Variants in CLASP2 observed in about 807,000 individuals in gnomAD.
The protein encoded by CLASP2 is cytoplasmic linker associated protein 2.
A neutral mutation model predicts 194.4 loss-of-function variants in CLASP2; 47 were observed. The ratio of observed to expected loss-of-function variants is 0.24; its 90% confidence interval spans 0.19 to 0.31. The LOEUF (loss-of-function observed/expected upper bound fraction) is 0.31. Ranked by LOEUF, CLASP2 falls within the 10% of genes least tolerant of loss-of-function variation. CLASP2 has a pLI of 1.00. For missense variants in CLASP2, 1,445 were observed against 1,823.6 expected, an observed-to-expected ratio of 0.79 and a Z score of 3.78; for synonymous variants, 619 against 633.5, an observed-to-expected ratio of 0.98 and a Z score of 0.34.
At chr3:33,572,756 GA>G (rs1560095161) in intron 25 of CLASP2, among the ~76,000 whole-genome samples, 1 of 151,716 alleles carries the variant, frequency 6.6e-6, no homozygotes, top group Non-Finnish European at 1.5e-5. Context: ...TCTTCTCATT[GA>G]AAAACTTACC....
chr3:33,672,401 A>C (rs1443349473), intron 6 of CLASP2, among the ~76,000 whole-genome samples: 1 of 152,238 alleles, frequency 6.6e-6, no homozygotes, highest in Non-Finnish European at 1.5e-5. Context: ...GTTAGAAGGA[A>C]AACGAACAAA....
At chr3:33,666,511 C>T (rs2086198757) in intron 6 of CLASP2, among the ~76,000 whole-genome samples, 1 of 152,196 alleles carries the variant, frequency 6.6e-6, no homozygotes, top group Non-Finnish European at 1.5e-5. Context: ...TGAATGTTTT[C>T]AAGGTTGATG....
chr3:33,646,668 T>TA (rs969232179), intron 7 of CLASP2, among the ~76,000 whole-genome samples: 16 of 149,846 alleles, frequency 1.1e-4, no homozygotes, highest in South Asian at 8.4e-4. Context: ...TCCCTACCAT[T>TA]AAAAAAAAAA....
intron 7 of CLASP2, among the ~76,000 whole-genome samples, chr3:33,652,519 T>C (rs1423344512): frequency 6.6e-6 from 1 of 152,196 alleles, no homozygotes; most frequent in African/African-American, 2.4e-5. Flanking sequence ...CTGTTGGCTG[T>C]TCTTTCTCTA....
At chr3:33,533,462 CTTG>C (rs1445322049) in intron 34 of CLASP2, among the ~76,000 whole-genome samples, 4 of 152,112 alleles carry the variant, frequency 2.6e-5, no homozygotes, top group African/African-American at 4.8e-5. Context: ...GAAGCTATTT[CTTG>C]TTAATAAAAA....
intron 16 of CLASP2, among the ~76,000 whole-genome samples, chr3:33,605,689 G>A (rs2154259095): frequency 6.6e-6 from 1 of 152,274 alleles, no homozygotes; most frequent in East Asian, 1.9e-4. Context: ...CACGATCTCA[G>A]CTCACTGCAA....
intron 7 of CLASP2, among the ~76,000 whole-genome samples, chr3:33,646,732 T>C (rs998588995): frequency 1.3e-5 from 2 of 152,122 alleles, no homozygotes; most frequent in Non-Finnish European, 2.9e-5. Context: ...TTTATCAAAA[T>C]ACAGCAAAGT....
chr3:33,552,362 C>T (rs2060162002), intron 29 of CLASP2, among the ~76,000 whole-genome samples: 1 of 152,122 alleles, frequency 6.6e-6, no homozygotes, highest in South Asian at 2.1e-4. Flanking sequence ...CATGATCCGC[C>T]TGCCTCAGTC....
intron 8 of CLASP2, among the ~76,000 whole-genome samples, chr3:33,641,505 G>A (rs980035629): frequency 5.9e-5 from 9 of 151,834 alleles, no homozygotes; most frequent in African/African-American, 1.7e-4. Flanking sequence ...AGTCTCCTTG[G>A]CTTAAAGGCT....
At chr3:33,656,817 A>AT (rs1020238781) in intron 7 of CLASP2, among the ~76,000 whole-genome samples, 5 of 152,056 alleles carry the variant, frequency 3.3e-5, no homozygotes, top group Non-Finnish European at 7.4e-5. Flanking sequence ...ACACGATAGT[A>AT]TTTTTTTAAA....
At chr3:33,504,163 A>G (rs2047520315) in intron 37 of CLASP2, 1 of 152,206 alleles carries the variant, frequency 6.6e-6, no homozygotes, top group South Asian at 2.1e-4. Flanking sequence ...GAGATGAACA[A>G]AAGTTATTAA....
chr3:33,595,082 CT>C, intron 19 of CLASP2, 114 bp from the exon 20 acceptor site: 1 of 536,510 alleles, frequency 1.9e-6, no homozygotes, highest in Non-Finnish European at 3.0e-6. Flanking sequence ...AAAAAATTAA[CT>C]TTTAGTCTGA....
At chr3:33,620,151 T>C (rs996169749) in intron 11 of CLASP2, among the ~76,000 whole-genome samples, 3 of 152,230 alleles carry the variant, frequency 2.0e-5, no homozygotes, top group African/African-American at 7.2e-5. Context: ...AAGTTCAAAA[T>C]CTTACTCAAA....
chr3:33,658,246 G>T (rs1008887883), intron 7 of CLASP2, among the ~76,000 whole-genome samples: 17 of 152,234 alleles, frequency 1.1e-4, no homozygotes, highest in African/African-American at 4.1e-4. Context: ...CTGTAAGATG[G>T]AAATACCAAA....
chr3:33,693,359 C>G (rs990747449), intron 2 of CLASP2, among the ~76,000 whole-genome samples: 1 of 152,094 alleles, frequency 6.6e-6, no homozygotes, highest in Admixed American at 6.6e-5. Flanking sequence ...TAAACATTAT[C>G]TCTCAAATCA....
intron 10 of CLASP2, among the ~76,000 whole-genome samples, chr3:33,625,970 G>T (rs1423197649): frequency 6.6e-6 from 1 of 151,770 alleles, no homozygotes; most frequent in Non-Finnish European, 1.5e-5. Context: ...AAACCCTTAA[G>T]TAAAAAGTTC....
chr3:33,674,154 A>T (rs1219082421), intron 6 of CLASP2, among the ~76,000 whole-genome samples: 1 of 152,076 alleles, frequency 6.6e-6, no homozygotes. Context: ...TTTTCAGCAC[A>T]ACACAACACC....
chr3:33,710,436 A>G (rs1242981439), intron 1 of CLASP2, among the ~76,000 whole-genome samples: 3 of 152,214 alleles, frequency 2.0e-5, no homozygotes, highest in African/African-American at 7.2e-5. Context: ...TTAAAGGCAT[A>G]GTGGCTCATA....
rs2093382316 is a variant in CLASP2 at position 33,718,207 on chromosome 3, C to T, written c.-205G>A. 4.8e-5 allele frequency: 16 copies of T among 336,724 alleles called. 1 individual carries two copies. In the South Asian group the frequency reaches 9.3e-4, roughly 20 times the overall value. The allele number at this position is 336,724 out of a possible 1,614,324, so 20.9% of individuals were successfully genotyped here. On this transcript the variant is annotated 5_prime_UTR_variant, in exon 1 of 39. Transcript: ENST00000682230. ...AGTCAAACTCGGCGCCCCCCGATCCCCAGCCCGCTTCAGAGGCCGCGGCCG... is the reference window on the plus strand; with the variant it reads ...AGTCAAACTCGGCGCCCCCCGATCCTCAGCCCGCTTCAGAGGCCGCGGCCG...
Sources: allele counts gnomAD v4.1 joint callset (sites outside exome capture counted in the v4.1 genomes callset), GRCh38; gene constraint gnomAD v4.1.1; transcripts MANE v1.5; gene names NCBI Gene and HGNC (gene_info 2026-07-23, HGNC 2026-07-21).